Variants in XPR1 observed in about 807,000 individuals in gnomAD.
The protein encoded by XPR1 is solute carrier family 53 member 1.
In XPR1, 28 loss-of-function variants were observed where a neutral mutation model predicts 87.5. The observed-to-expected ratio is 0.32, with a 90% CI of 0.24 to 0.44. The LOEUF (loss-of-function observed/expected upper bound fraction) is 0.44. XPR1 is among the 20% of genes least tolerant of loss of function. The pLI, the probability that XPR1 is intolerant of heterozygous loss-of-function variation, is 1.00. For synonymous variants in XPR1, 300 were observed against 306.1 expected (o/e 0.98, Z 0.21); for missense variants, 559 against 862.3 (o/e 0.65, Z 4.41).
chr1:180,660,122 C>T (rs928338075), intron 1 of XPR1, among the ~76,000 whole-genome samples: 3 of 152,030 alleles, frequency 2.0e-5, no homozygotes, highest in African/African-American at 7.2e-5. Context: ...GGAATTTATC[C>T]ATTTTCTCTA....
chr1:180,731,208 C>G (rs1325420459), intron 2 of XPR1, among the ~76,000 whole-genome samples: 2 of 152,124 alleles, frequency 1.3e-5, no homozygotes, highest in Non-Finnish European at 2.9e-5. Context: ...TGTAGGTAGA[C>G]TTTTAAAAAT....
intron 14 of XPR1, among the ~76,000 whole-genome samples, chr1:180,882,236 G>C (rs1308375802): frequency 6.6e-6 from 1 of 152,214 alleles, no homozygotes; most frequent in Non-Finnish European, 1.5e-5. Flanking sequence ...TAAGACATTA[G>C]GAATGGAACA....
intron 3 of XPR1, among the ~76,000 whole-genome samples, chr1:180,799,532 G>C (rs1649706018): frequency 6.6e-6 from 1 of 152,208 alleles, no homozygotes; most frequent in Non-Finnish European, 1.5e-5. Flanking sequence ...TCCTTGATCA[G>C]AAGCAAGGCT....
At chr1:180,650,789 CAG>C (rs1361421355) in intron 1 of XPR1, among the ~76,000 whole-genome samples, 2 of 152,076 alleles carry the variant, frequency 1.3e-5, no homozygotes, top group African/African-American at 4.8e-5. Context: ...GACCTTTAAA[CAG>C]TGATTTTCTC....
chr1:180,820,896 C>A (rs1043616088), intron 7 of XPR1, among the ~76,000 whole-genome samples: 3 of 151,980 alleles, frequency 2.0e-5, no homozygotes, highest in Non-Finnish European at 4.4e-5. Flanking sequence ...AGGTTCTTAG[C>A]CCTATTTTAA....
chr1:180,883,400 A>G (rs903682479), intron 14 of XPR1, among the ~76,000 whole-genome samples: 4 of 152,050 alleles, frequency 2.6e-5, no homozygotes, highest in Non-Finnish European at 5.9e-5. Flanking sequence ...AGGGTTAAAT[A>G]GATGCATCAT....
chr1:180,853,437 C>G (rs757103339), intron 11 of XPR1, among the ~76,000 whole-genome samples: 2 of 152,070 alleles, frequency 1.3e-5, no homozygotes, highest in African/African-American at 4.8e-5. Flanking sequence ...GAGACTGTTT[C>G]TTTGCTAAGG....
rs1176130848 is a variant in XPR1, at chr1:180,863,780, C to T, written c.1574C>T (p.Thr525Ile). 1 of 1,611,670 alleles carries T rather than the reference C, an allele frequency of 6.2e-7. No homozygotes were observed. Reference protein sequence around the residue: ...IVFYIISSCYTLIWDLKMDWG... With the variant: ...IVFYIISSCYILIWDLKMDWG... ...TTTTATATCATCAGTTCCTGCTATA[C>T]CCTCATCTGGGATCTCAAGATGGAC... is the stretch of plus-strand genomic sequence containing the variant. Residue 525 changes from threonine (T) to isoleucine (I), a missense_variant, in exon 12 of 15, where the codon ACC becomes ATC. This residue lies in a region of XPR1 where 264 missense variants were observed against 377.2 expected (regional missense o/e 0.70). Coordinates refer to ENST00000367590, the MANE Select transcript of XPR1 (RefSeq NM_004736.4).
Position 180,677,896 on chromosome 1 carries a change from C to A in XPR1, c.70-4464C>A, listed in dbSNP as rs571237456. The stretch of plus-strand genomic sequence containing the variant: ...CAAGGTAGAGTTGGTTAGATCAGAT[C>A]TTTTGTACTGTAATAATTTTCTCAG... On this transcript the variant is annotated intron_variant, in intron 1 of 14. Transcript: ENST00000367590. Among the ~76,000 whole-genome samples the A allele has an allele frequency of 7.2e-5, 11 of 152,262 alleles. 1 individual carries two copies. The South Asian group carries it at 2.3e-3, about 32-fold the overall frequency.
At chr1:180,698,852 A>G (rs1657255173) in intron 2 of XPR1, among the ~76,000 whole-genome samples, 1 of 151,972 alleles carries the variant, frequency 6.6e-6, no homozygotes, top group Non-Finnish European at 1.5e-5. Flanking sequence ...TCTGACCTGT[A>G]AGGTTTGTAG....
rs187081605 is a variant in XPR1 at position 180,888,224 on chromosome 1, C to T, written c.*4158C>T. ...TTATTCCCAAATGCAGTTTTCTAAG[C>T]AGTGACCACAAAAATTTCTTATTCT... On this transcript the variant is annotated 3_prime_UTR_variant, in exon 15 of 15. Transcript: ENST00000367590. The T allele has an allele frequency of 1.4e-4, 21 of 152,096 alleles. No individual in the cohort carries two copies. Among genetic ancestry groups the T allele is most frequent in the Admixed American group, 1.4e-3 (21 of 15,274 alleles). 9.4% of individuals were successfully genotyped at this position (152,096 alleles called of 1,614,324 possible). A position where few individuals can be genotyped will look rare whatever the true frequency, so the allele number is the denominator to read the frequency against.
intron 1 of XPR1, among the ~76,000 whole-genome samples, chr1:180,659,063 G>A (rs1184403062): frequency 6.6e-6 from 1 of 151,946 alleles, no homozygotes; most frequent in African/African-American, 2.4e-5. Context: ...ATATTGGCCT[G>A]TAGCCAGTCT....
chr1:180,724,810 C>G (rs565034332), intron 2 of XPR1, among the ~76,000 whole-genome samples: 6 of 152,234 alleles, frequency 3.9e-5, no homozygotes, highest in African/African-American at 1.2e-4. Flanking sequence ...TTAATATTTC[C>G]TCAGTTATCA....
At chr1:180,838,024 C>T (rs1651365454) in intron 11 of XPR1, among the ~76,000 whole-genome samples, 1 of 152,048 alleles carries the variant, frequency 6.6e-6, no homozygotes, top group African/African-American at 2.4e-5. Flanking sequence ...TTAGGGGCAC[C>T]AACCTCTCAC....
At chr1:180,789,414 AAAACCTAATACGAGTCTATGACC>A (rs143610663) in intron 3 of XPR1, among the ~76,000 whole-genome samples, 2,496 of 152,294 alleles carry the variant, frequency 0.016, 75 homozygotes, top group African/African-American at 0.055. Flanking sequence ...CTAAAATACT[AAAACCTAATACGAGTCTATGACC>A]ATGTCTCCTA....
At chr1:180,872,784 G>A (rs1039461146) in intron 12 of XPR1, among the ~76,000 whole-genome samples, 1 of 151,386 alleles carries the variant, frequency 6.6e-6, no homozygotes, top group Non-Finnish European at 1.5e-5. Flanking sequence ...CTTCTGCGTC[G>A]CTCACGCTGG....
At chr1:180,652,293 CA>C (rs947233798) in intron 1 of XPR1, among the ~76,000 whole-genome samples, 20 of 145,064 alleles carry the variant, frequency 1.4e-4, no homozygotes, top group East Asian at 8.0e-4. Context: ...GACTCCATCT[CA>C]AAAAAAAAAG....
chr1:180,644,681 G>A (rs1048394871), intron 1 of XPR1, among the ~76,000 whole-genome samples: 1 of 152,086 alleles, frequency 6.6e-6, no homozygotes, highest in African/African-American at 2.4e-5. Flanking sequence ...TTACAGGCCA[G>A]TGGTTCCCAA....
intron 1 of XPR1, among the ~76,000 whole-genome samples, chr1:180,639,076 C>T (rs998250546): frequency 9.2e-5 from 14 of 152,150 alleles, no homozygotes; most frequent in Non-Finnish European, 1.6e-4. Flanking sequence ...GCAGGCAGAT[C>T]GCCTGAGATC....
Sources: allele counts gnomAD v4.1 joint callset (sites outside exome capture counted in the v4.1 genomes callset), GRCh38; gene constraint gnomAD v4.1.1; regional missense constraint gnomAD v4.1.1; transcripts MANE v1.5; gene names NCBI Gene and HGNC (gene_info 2026-07-23, HGNC 2026-07-21).